Variants in RIPOR2 observed in about 807,000 individuals in gnomAD.
RIPOR2 encodes rho family-interacting cell polarization regulator 2.
In RIPOR2, 39 loss-of-function variants were observed where a neutral mutation model predicts 114.5. The observed-to-expected ratio is 0.34, with a 90% CI of 0.26 to 0.44. RIPOR2 has a LOEUF of 0.44. Among genes scored for constraint, RIPOR2 ranks in the 20% least tolerant of loss-of-function variants. RIPOR2 has a pLI of 1.00. For synonymous variants in RIPOR2, 445 were observed against 484.4 expected (o/e 0.92, Z 1.07); for missense variants, 1,007 against 1,255.1 (o/e 0.80, Z 2.99).
chr6:24,807,868 G>T (rs1337486334), intron 21 of RIPOR2, among the ~76,000 whole-genome samples: 1 of 152,106 alleles, frequency 6.6e-6, no homozygotes, highest in Admixed American at 6.6e-5. Flanking sequence ...AATTCCTATT[G>T]AAAATACTAT....
intron 1 of RIPOR2, chr6:25,015,888 GTTTTTTGGTTTTTTTTTTTTT>G (rs1239030378): frequency 2.7e-5 from 2 of 74,056 alleles, no homozygotes; most frequent in African/African-American, 5.6e-5. Context: ...AAAAACGCAG[GTTTTTTGGTTTTTTTTTTTTT>G]TTTTTTTTTT....
At chr6:24,888,289 A>G (rs1185097249) in intron 1 of RIPOR2, among the ~76,000 whole-genome samples, 1 of 152,162 alleles carries the variant, frequency 6.6e-6, no homozygotes, top group Admixed American at 6.5e-5. Context: ...CATTCCTGGT[A>G]TTATCAGCTC....
chr6:24,943,809 C>G (rs561763736), intron 1 of RIPOR2, among the ~76,000 whole-genome samples: 1 of 152,020 alleles, frequency 6.6e-6, no homozygotes, highest in African/African-American at 2.4e-5. Context: ...CCATTCCCCC[C>G]AAAGTCCCAT....
chr6:25,027,058 C>G (rs1269268717), intron 1 of RIPOR2, among the ~76,000 whole-genome samples: 1 of 152,150 alleles, frequency 6.6e-6, no homozygotes, highest in Non-Finnish European at 1.5e-5. Flanking sequence ...TACAAGTCTC[C>G]TATAAGTAGC....
intron 18 of RIPOR2, 117 bp downstream of exon 18, chr6:24,828,020 C>A (rs1260360036): frequency 1.1e-6 from 1 of 881,542 alleles, no homozygotes; most frequent in Non-Finnish European, 1.6e-6. Context: ...GCAAATTGCA[C>A]CTCTACTGTG....
chr6:24,879,304 C>T (rs1331593269), intron 1 of RIPOR2, among the ~76,000 whole-genome samples: 2 of 152,178 alleles, frequency 1.3e-5, no homozygotes, highest in East Asian at 3.9e-4. Flanking sequence ...GGAGATCGCG[C>T]CACTGTACTC....
At chr6:24,818,414 C>A (rs1256378754) in intron 20 of RIPOR2, 128 bp downstream of exon 20, 5 of 495,916 alleles carry the variant, frequency 1.0e-5, no homozygotes, top group African/African-American at 7.7e-5. Flanking sequence ...AACTAACATA[C>A]GGTGCAAAGA....
chr6:25,019,774 CAAAAAAAAAAA>C (rs34107737), intron 1 of RIPOR2, among the ~76,000 whole-genome samples: 4 of 53,122 alleles, frequency 7.5e-5, no homozygotes, highest in Admixed American at 2.8e-4. Context: ...GACTCTGTCT[CAAAAAAAAAAA>C]AAAAAAAAAA....
At chr6:24,884,620 C>T (rs1766648390) in intron 1 of RIPOR2, among the ~76,000 whole-genome samples, 1 of 152,118 alleles carries the variant, frequency 6.6e-6, no homozygotes, top group African/African-American at 2.4e-5. Context: ...GAACCAGGGC[C>T]AGATGTTCTA....
At chr6:25,031,341 C>T (rs1203301788) in intron 1 of RIPOR2, 1 of 152,032 alleles carries the variant, frequency 6.6e-6, no homozygotes, top group East Asian at 1.9e-4. Flanking sequence ...CACTGGTTGA[C>T]AAGAGCTGGG....
chr6:24,842,895 G>T lies in RIPOR2; in HGVS notation c.1824C>A (p.Asn608Lys). The T allele has an allele frequency of 6.8e-7, 1 of 1,463,032 alleles. No individual in the cohort carries two copies. Among genetic ancestry groups the T allele is most frequent in the Non-Finnish European group, 9.1e-7 (1 of 1,103,398 alleles). 90.6% of individuals were successfully genotyped at this position (1,463,032 alleles called of 1,614,324 possible). A position where few individuals can be genotyped will look rare whatever the true frequency, so the allele number is the denominator to read the frequency against. The change falls in exon 13 of 22, where the codon AAC (asparagine) becomes AAA (lysine). Residue 608 changes from asparagine (N) to lysine (K), a missense_variant. Coordinates refer to ENST00000643898, the MANE Select transcript of RIPOR2 (RefSeq NM_001286445.3). ...KEQYKEFQDLNQEVMNLDDIL... is the reference protein window; with the variant it reads ...KEQYKEFQDLKQEVMNLDDIL... ...TATCATCCAAATTCATGACTTCTTG[G>T]TTCAGATCCTGAAACTCTTTATACT...
At chr6:25,023,107 G>A (rs1475182294) in intron 1 of RIPOR2, 1 of 462,564 alleles carries the variant, frequency 2.2e-6, no homozygotes, top group Non-Finnish European at 4.2e-6. Flanking sequence ...GGGGACCAGG[G>A]AACAAAGCTG....
intron 9 of RIPOR2, among the ~76,000 whole-genome samples, chr6:24,852,032 G>GA (rs1369968222): frequency 6.7e-6 from 1 of 149,890 alleles, no homozygotes; most frequent in East Asian, 2.0e-4. Flanking sequence ...GGTGGGCGGG[G>GA]GGGAATCACT....
intron 1 of RIPOR2, among the ~76,000 whole-genome samples, chr6:24,968,019 T>A (rs1178053112): frequency 6.6e-6 from 1 of 151,696 alleles, no homozygotes; most frequent in Non-Finnish European, 1.5e-5. Context: ...TTTGAATGAT[T>A]CTTCTGCCTC....
intron 1 of RIPOR2, among the ~76,000 whole-genome samples, chr6:24,971,016 G>A (rs2113544954): frequency 1.3e-5 from 2 of 152,270 alleles, no homozygotes; most frequent in South Asian, 2.1e-4. Context: ...CACTGAAATC[G>A]TGCCTGGAAC....
intron 1 of RIPOR2, among the ~76,000 whole-genome samples, chr6:24,876,222 G>A (rs141375413): frequency 0.033 from 4,999 of 151,950 alleles, 259 homozygotes; most frequent in African/African-American, 0.11. Flanking sequence ...CCCAGAAGGC[G>A]AAGGTTGCAG....
chr6:25,007,709 G>A (rs1775612047), intron 1 of RIPOR2, among the ~76,000 whole-genome samples: 1 of 150,058 alleles, frequency 6.7e-6, no homozygotes, highest in Non-Finnish European at 1.5e-5. Context: ...GTGATCTTAG[G>A]CACCCCCATG....
At chr6:24,961,441 G>A (rs1445501996) in intron 1 of RIPOR2, among the ~76,000 whole-genome samples, 2 of 152,108 alleles carry the variant, frequency 1.3e-5, no homozygotes, top group Non-Finnish European at 2.9e-5. Context: ...GTAATATGGT[G>A]CTCCTTGGGT....
At chr6:25,026,721 C>T (rs1019754867) in intron 1 of RIPOR2, among the ~76,000 whole-genome samples, 3 of 152,086 alleles carry the variant, frequency 2.0e-5, no homozygotes, top group East Asian at 1.9e-4. Flanking sequence ...ACGGAGATTA[C>T]GGTGGTCTAA....
Sources: allele counts gnomAD v4.1 joint callset (sites outside exome capture counted in the v4.1 genomes callset), GRCh38; gene constraint gnomAD v4.1.1; transcripts MANE v1.5; gene names NCBI Gene and HGNC (gene_info 2026-07-23, HGNC 2026-07-21).